LTAP1: variants seen among roughly 807,000 people sequenced by gnomAD.
The protein encoded by LTAP1 is HCV NS5A-transactivated protein 4.
At chr1:154,220,301 T>TCAA in the LTAP1 span, 1 of 1,610,568 alleles carries the variant, frequency 6.2e-7, no homozygotes, top group Non-Finnish European at 8.5e-7. Flanking sequence ...CTCTACTGGG[T>TCAA]AAGATGCGAC....
chr1:154,218,043 C>A, the LTAP1 span, among the ~76,000 whole-genome samples: 1 of 152,168 alleles, frequency 6.6e-6, no homozygotes, highest in Admixed American at 6.5e-5. Context: ...GATCTTCTGG[C>A]CTCAGCCTCC....
the LTAP1 span, chr1:154,213,818 C>T: frequency 1.6e-6 from 2 of 1,222,630 alleles, no homozygotes; most frequent in Non-Finnish European, 2.4e-6. Flanking sequence ...TCCTAACATA[C>T]AAAGTGGGTT....
the LTAP1 span, among the ~76,000 whole-genome samples, chr1:154,215,153 C>G: frequency 6.6e-6 from 1 of 152,086 alleles, no homozygotes; most frequent in Admixed American, 6.6e-5. Context: ...CCTCTCTTGC[C>G]TCAGCCTTCT....
chr1:154,212,013 C>G, the LTAP1 span: 1 of 300,406 alleles, frequency 3.3e-6, no homozygotes, highest in African/African-American at 2.2e-5. Context: ...TGCGCCACCA[C>G]GCCCGGCTAA....
At chr1:154,211,324 C>CCT in the LTAP1 span, among the ~76,000 whole-genome samples, 1 of 34,028 alleles carries the variant, frequency 2.9e-5, no homozygotes, top group Non-Finnish European at 5.1e-5. Context: ...TTATTTAATT[C>CCT]TTTTTTTTTT....
At chr1:154,210,864 G>A in the LTAP1 span, among the ~76,000 whole-genome samples, 2 of 152,068 alleles carry the variant, frequency 1.3e-5, no homozygotes, top group East Asian at 1.9e-4. Context: ...TGTTTAGTGT[G>A]TATTAAAAAC....
chr1:154,217,370 G>A, the LTAP1 span, among the ~76,000 whole-genome samples: 1 of 152,156 alleles, frequency 6.6e-6, no homozygotes, highest in Non-Finnish European at 1.5e-5. Flanking sequence ...GTCAATCAAA[G>A]TAAAGAATAT....
At chr1:154,217,484 T>G in the LTAP1 span, among the ~76,000 whole-genome samples, 1 of 152,096 alleles carries the variant, frequency 6.6e-6, no homozygotes, top group African/African-American at 2.4e-5. Flanking sequence ...TGGAAGCACA[T>G]GGTACATATT....
the LTAP1 span, chr1:154,207,428 C>T: frequency 6.2e-7 from 1 of 1,612,110 alleles, no homozygotes; most frequent in Non-Finnish European, 8.5e-7. Context: ...CTGGCTTAAT[C>T]TACGGCAAGA....
the LTAP1 span, chr1:154,213,931 A>C: frequency 6.2e-7 from 1 of 1,612,888 alleles, no homozygotes; most frequent in Non-Finnish European, 8.5e-7. Flanking sequence ...CATCCTATAC[A>C]GATAGTTGTA....
chr1:154,214,410 G>T, the LTAP1 span: 2 of 1,236,486 alleles, frequency 1.6e-6, no homozygotes, highest in Non-Finnish European at 2.4e-6. Context: ...AGGAATTCTG[G>T]ACTTGTGGGA....
chr1:154,212,720 GC>G, the LTAP1 span: 4 of 1,410,546 alleles, frequency 2.8e-6, no homozygotes, highest in East Asian at 9.6e-5. Flanking sequence ...GAGTGCAGTG[GC>G]AGTGATCTTG....
chr1:154,218,361 G>C, the LTAP1 span, among the ~76,000 whole-genome samples: 12 of 152,116 alleles, frequency 7.9e-5, no homozygotes, highest in African/African-American at 2.9e-4. Context: ...TAAGCAAAAG[G>C]AATATTGCTC....
chr1:154,218,878 A>G, the LTAP1 span, among the ~76,000 whole-genome samples: 1 of 152,232 alleles, frequency 6.6e-6, no homozygotes, highest in Non-Finnish European at 1.5e-5. Flanking sequence ...CCATGTGAAA[A>G]TAAAGAGAGG....
the LTAP1 span, chr1:154,214,520 C>T: frequency 1.9e-6 from 3 of 1,614,060 alleles, no homozygotes; most frequent in East Asian, 4.5e-5. Context: ...AGCTGGGGCT[C>T]ATACTTGATA....
At chr1:154,211,431 G>C in the LTAP1 span, among the ~76,000 whole-genome samples, 10 of 140,396 alleles carry the variant, frequency 7.1e-5, no homozygotes, top group Non-Finnish European at 1.1e-4. Flanking sequence ...CTGCCTCCTG[G>C]GGTCAAGCGA....
chr1:154,214,166 A>G, the LTAP1 span, among the ~76,000 whole-genome samples: 1 of 152,126 alleles, frequency 6.6e-6, no homozygotes, highest in African/African-American at 2.4e-5. Context: ...AATCCCAGCT[A>G]CTCAGGAGGC....
At chr1:154,215,426 C>T in the LTAP1 span, among the ~76,000 whole-genome samples, 826 of 151,874 alleles carry the variant, frequency 5.4e-3, 10 homozygotes, top group African/African-American at 0.019. Context: ...ATTAGCCGGG[C>T]GTTGTGGCGG....
the LTAP1 span, chr1:154,219,718 G>C: frequency 6.4e-6 from 5 of 786,714 alleles, no homozygotes; most frequent in South Asian, 9.2e-5. Flanking sequence ...GTAAGTACAA[G>C]GACAAGTGCA....
Sources: allele counts gnomAD v4.1 joint callset (sites outside exome capture counted in the v4.1 genomes callset), GRCh38; gene constraint gnomAD v4.1.1; transcripts MANE v1.5; gene names NCBI Gene and HGNC (gene_info 2026-07-23, HGNC 2026-07-21).